Variants in MTERF2 observed in about 807,000 individuals in gnomAD.
MTERF2 encodes the protein transcription termination factor 2, mitochondrial.
A neutral mutation model predicts 29.2 loss-of-function variants in MTERF2; 23 were observed. The observed-to-expected ratio is 0.79, with a 90% CI of 0.57 to 1.12. The LOEUF is 1.12. Ranked by LOEUF, MTERF2 falls within the 50% of genes most tolerant of loss-of-function variation. MTERF2 has a pLI of 0.00. For synonymous variants in MTERF2, 157 were observed against 159.5 expected, an observed-to-expected ratio of 0.98 and a Z score of 0.12; for missense variants, 440 against 429.4, an observed-to-expected ratio of 1.02 and a Z score of -0.22.
intron 1 of MTERF2, chr12:106,986,485 C>T (rs1190727156): frequency 6.6e-6 from 1 of 152,020 alleles, no homozygotes. Context: ...AACAAAAAAC[C>T]GGCAGAATTT....
chr12:106,978,586 T>A lies in MTERF2; in HGVS notation c.129A>T (p.Lys43Asn). Reference sequence around the variant, plus strand: ...GCTTTTCCACTGTTCTTGTATTTTCTTTGCTCGACTGTTTATCAGTTGTAT... The same window carrying A: ...GCTTTTCCACTGTTCTTGTATTTTCATTGCTCGACTGTTTATCAGTTGTAT... ...FTYTTDKQSS[K>N]ENTRTVEKLY... The change falls in exon 3 of 3, where the codon AAA (lysine) becomes AAT (asparagine). Residue 43 changes from lysine to asparagine, a missense_variant. Transcript: ENST00000240050. 6.2e-7 allele frequency: 1 copy of A among 1,614,238 alleles called. No homozygotes were observed. Among genetic ancestry groups the A allele is most frequent in the South Asian group, 1.1e-5 (1 of 91,090 alleles).
chr12:106,981,805 GCCA>G (rs1436768096), intron 2 of MTERF2, among the ~76,000 whole-genome samples: 1 of 152,196 alleles, frequency 6.6e-6, no homozygotes, highest in African/African-American at 2.4e-5. Context: ...ACAGGTGTGA[GCCA>G]CCACGCCTGG....
At chr12:106,986,466 A>G (rs1952118412) in intron 1 of MTERF2, 2 of 151,808 alleles carry the variant, frequency 1.3e-5, no homozygotes, top group African/African-American at 4.9e-5. Flanking sequence ...GCTAAAAAAA[A>G]AAACAAAAAA....
chr12:106,978,290 G>C lies in MTERF2; in HGVS notation c.425C>G (p.Thr142Ser). The C allele has an allele frequency of 6.2e-7, 1 of 1,614,000 alleles. No homozygotes were observed. Among genetic ancestry groups the C allele is most frequent in the Non-Finnish European group, 8.5e-7 (1 of 1,179,994 alleles). ...CTTCTGGTTCTCTTGGTCTTTAATA[G>C]TAAAGAAAGATTCTGGAAACTGCTC... is the stretch of plus-strand genomic sequence containing the variant. ...LIEQFPESFFTIKDQENQKLN... is the reference protein window; with the variant it reads ...LIEQFPESFFSIKDQENQKLN... Residue 142 changes from threonine to serine, a missense_variant, in exon 3 of 3, where the codon ACT becomes AGT. Physicochemically the swap from Thr to Ser is moderately conservative, Grantham distance 58. Coordinates refer to ENST00000240050, the MANE Select transcript of MTERF2 (RefSeq NM_001033050.3).
chr12:106,977,845 G>C lies in MTERF2; in HGVS notation c.870C>G (p.Ala290=). ...DLKQLVLKCP[A]LLYYSVPVLE... ...AAACTGGAACAGAATAATATAAAAG[G>C]GCAGGACATTTCAAAACTAATTGCT... The change falls in exon 3 of 3, where the codon GCC becomes GCG. Residue 290 remains alanine, a synonymous_variant. Transcript: ENST00000240050. 6.2e-7 allele frequency: 1 copy of C among 1,613,822 alleles called. No homozygotes were observed. The highest frequency in any genetic ancestry group is 8.5e-7 in the Non-Finnish European group (1 of 1,179,992).
chr12:106,986,655 T>TA (rs1952121493), intron 1 of MTERF2: 1 of 152,238 alleles, frequency 6.6e-6, no homozygotes, highest in Non-Finnish European at 1.5e-5. Flanking sequence ...TTCACTTCTG[T>TA]AATACACAGT....
rs1289633812 is a variant in MTERF2, at chr12:106,978,373, G to C, written c.342C>G (p.Thr114=). 1.2e-6 allele frequency: 2 copies of C among 1,613,974 alleles called. No individual in the cohort carries two copies. The highest frequency in any genetic ancestry group is 2.7e-5 in the African/African-American group (2 of 74,876). ...AGACCAACTGCCAGAGTTTTCTCTGGGTGTTAACAGCGGTTGGACTACAGA... is the reference window on the plus strand; with the variant it reads ...AGACCAACTGCCAGAGTTTTCTCTGCGTGTTAACAGCGGTTGGACTACAGA... The part of the protein sequence containing the change: ...AIVCSPTAVN[T]QRKLWQLVCK... Residue 114 remains threonine, a synonymous_variant, in exon 3 of 3, where the codon ACC becomes ACG. Coordinates refer to ENST00000240050, the MANE Select transcript of MTERF2 (RefSeq NM_001033050.3).
intron 2 of MTERF2, among the ~76,000 whole-genome samples, chr12:106,984,438 T>G (rs553987695): frequency 3.3e-5 from 5 of 152,292 alleles, no homozygotes; most frequent in African/African-American, 1.2e-4. Flanking sequence ...CTCTTTTTTT[T>G]GTAGAGAAGG....
rs1008303258 is a variant in MTERF2 at position 106,985,146 on chromosome 12, A to T, written c.-89T>A. On this transcript the variant is annotated 5_prime_UTR_variant, in exon 2 of 3. The change abolishes an upstream ATG in the 5' untranslated region. Coordinates refer to ENST00000240050, the MANE Select transcript of MTERF2 (RefSeq NM_001033050.3). Reference sequence around the variant, plus strand: ...GTCTCTCCCCACAGATCTTGTCCTCATCCAGATATTCAGTTCATCCACTTG... The same window carrying T: ...GTCTCTCCCCACAGATCTTGTCCTCTTCCAGATATTCAGTTCATCCACTTG... 6.6e-6 allele frequency: 1 copy of T among 152,292 alleles called. No homozygotes were observed. The highest frequency in any genetic ancestry group is 1.5e-5 in the Non-Finnish European group (1 of 68,106). The allele number at this position is 152,292 out of a possible 1,614,324, so 9.4% of individuals were successfully genotyped here. A position where few individuals can be genotyped will look rare whatever the true frequency, so the allele number is the denominator to read the frequency against.
intron 2 of MTERF2, among the ~76,000 whole-genome samples, chr12:106,984,025 A>G (rs1324084248): frequency 6.6e-6 from 1 of 152,158 alleles, no homozygotes; most frequent in African/African-American, 2.4e-5. Context: ...TATCTGTACA[A>G]AGAAAGGAGA....
chr12:106,986,852 G>C (rs895721483), intron 1 of MTERF2, 117 bp downstream of exon 1: 5 of 152,316 alleles, frequency 3.3e-5, no homozygotes, highest in African/African-American at 1.2e-4. Flanking sequence ...CGCTTTTCCA[G>C]AGAAACCCGG....
In MTERF2 at chr12:106,978,578, G is replaced by T; in HGVS notation, c.137C>A (p.Thr46Lys). 6.2e-7 allele frequency: 1 copy of T among 1,614,132 alleles called. No homozygotes were observed. The highest frequency in any genetic ancestry group is 8.5e-7 in the Non-Finnish European group (1 of 1,180,018). Residue 46 changes from threonine (T) to lysine (K), a missense_variant, in exon 3 of 3, where the codon ACA becomes AAA. Coordinates refer to ENST00000240050, the MANE Select transcript of MTERF2 (RefSeq NM_001033050.3). ...TTDKQSSKEN[T>K]RTVEKLYKCS... ...TTTATAGAGCTTTTCCACTGTTCTT[G>T]TATTTTCTTTGCTCGACTGTTTATC... is the stretch of plus-strand genomic sequence containing the variant.
chr12:106,977,929 A>G lies in MTERF2; in HGVS notation c.786T>C (p.Ser262=). 6.2e-7 allele frequency: 1 copy of G among 1,614,164 alleles called. No individual in the cohort carries two copies. The highest frequency in any genetic ancestry group is 8.5e-7 in the Non-Finnish European group (1 of 1,180,018). ...TAGAGAAGGAAATACTATTCTGTAT[A>G]CTTCTTGGGCAAAGTTGAAAAAGAA... is the stretch of plus-strand genomic sequence containing the variant. The part of the protein sequence containing the change: ...KGFLFQLCPR[S]IQNSISFSKN... The change falls in exon 3 of 3, where the codon AGT becomes AGC. Residue 262 remains serine, a synonymous_variant. Coordinates refer to ENST00000240050, the MANE Select transcript of MTERF2 (RefSeq NM_001033050.3).
At chr12:106,983,638 G>A (rs1344315297) in intron 2 of MTERF2, among the ~76,000 whole-genome samples, 2 of 152,104 alleles carry the variant, frequency 1.3e-5, no homozygotes, top group Non-Finnish European at 2.9e-5. Flanking sequence ...AAGTTCATTT[G>A]AAATTTCTGG....
chr12:106,982,554 A>C (rs1952064839), intron 2 of MTERF2, among the ~76,000 whole-genome samples: 3 of 150,492 alleles, frequency 2.0e-5, no homozygotes, highest in African/African-American at 7.5e-5. Context: ...TTCTGCTTCT[A>C]TTTTATTCAC....
chr12:106,981,846 G>A (rs549684530), intron 2 of MTERF2, among the ~76,000 whole-genome samples: 1 of 152,230 alleles, frequency 6.6e-6, no homozygotes, highest in African/African-American at 2.4e-5. Flanking sequence ...AAATGCTTCT[G>A]TTTCCCAAAA....
chr12:106,979,912 A>C (rs1180324510), intron 2 of MTERF2, among the ~76,000 whole-genome samples: 1 of 151,802 alleles, frequency 6.6e-6, no homozygotes, highest in African/African-American at 2.4e-5. Context: ...AACTTTATTT[A>C]TTTTGAGACA....
Position 106,977,898 on chromosome 12 carries a change from C to CA in MTERF2, c.816dup (p.Ala273CysfsTer3). 1.2e-6 allele frequency: 2 copies of CA among 1,613,958 alleles called. No individual in the cohort carries two copies. The highest frequency in any genetic ancestry group is 1.7e-6 in the Non-Finnish European group (2 of 1,179,994). ...AGGTCATGATCTGTGCATTTAAAAG[C>CA]ATTTTTAGAGAAGGAAATACTATTC... On this transcript the variant is annotated frameshift_variant, in exon 3 of 3. Transcript: ENST00000240050. LOFTEE classifies it high-confidence loss of function.
chr12:106,979,745 T>G (rs1952033271), intron 2 of MTERF2, among the ~76,000 whole-genome samples: 3 of 152,228 alleles, frequency 2.0e-5, no homozygotes, highest in African/African-American at 7.2e-5. Context: ...ACTTGACATG[T>G]GTAGGTATCT....
Sources: allele counts gnomAD v4.1 joint callset (sites outside exome capture counted in the v4.1 genomes callset), GRCh38; gene constraint gnomAD v4.1.1; transcripts MANE v1.5; gene names NCBI Gene and HGNC (gene_info 2026-07-23, HGNC 2026-07-21).